Variants in GALNT7 observed in about 807,000 individuals in gnomAD.
GALNT7 encodes N-acetylgalactosaminyltransferase 7.
A neutral mutation model predicts 82.1 loss-of-function variants in GALNT7; 60 were observed. The observed-to-expected ratio is 0.73, with a 90% CI of 0.59 to 0.91. GALNT7 has a LOEUF of 0.91. Among genes scored for constraint, GALNT7 ranks in the 40% least tolerant of loss-of-function variants. The pLI is 0.00. For synonymous variants in GALNT7, 243 were observed against 275.1 expected (o/e 0.88, Z 1.15); for missense variants, 660 against 804.2 (o/e 0.82, Z 2.17).
chr4:173,208,954 CTT>C (rs1209985502), intron 1 of GALNT7, among the ~76,000 whole-genome samples: 6 of 152,058 alleles, frequency 3.9e-5, no homozygotes, highest in Non-Finnish European at 7.4e-5. Flanking sequence ...ACTTTGAAAT[CTT>C]TGTTCATTTC....
intron 9 of GALNT7, chr4:173,316,633 T>C (rs898947380): frequency 2.6e-5 from 4 of 152,218 alleles, no homozygotes; most frequent in African/African-American, 9.7e-5. Context: ...GTACTTAATA[T>C]TTGATGATTG....
chr4:173,182,709 G>A (rs971099875), intron 1 of GALNT7, among the ~76,000 whole-genome samples: 4 of 99,048 alleles, frequency 4.0e-5, no homozygotes, highest in East Asian at 3.1e-4. Context: ...GTGTTGCCCC[G>A]AATGATGAGG....
chr4:173,297,995 A>C (rs763415814), intron 5 of GALNT7, 120 bp from the exon 6 acceptor site: 1 of 1,509,164 alleles, frequency 6.6e-7, no homozygotes, highest in South Asian at 1.3e-5. Flanking sequence ...CTATTACTTT[A>C]TTTTCTTATG....
chr4:173,209,352 T>C (rs11737748), intron 1 of GALNT7, among the ~76,000 whole-genome samples: 37,435 of 152,238 alleles, frequency 0.25, 5,333 homozygotes, highest in Admixed American at 0.34. Flanking sequence ...TCAGTATTTC[T>C]TTCTAGCTAG....
Position 173,302,294 on chromosome 4 carries a change from A to G in GALNT7, c.1266+130A>G. On this transcript the variant is annotated intron_variant, in intron 7 of 11. Transcript: ENST00000265000. The surrounding 1 kb of genome is among the most constrained non-coding windows in gnomAD (Gnocchi z 4.2). ...CATGCATTTCTCCAAATTGTATAGA[A>G]TGATTTAATGAAAATGGATGCCTTT... is the stretch of plus-strand genomic sequence containing the variant. The G allele has an allele frequency of 1.5e-6, 1 of 686,504 alleles. No individual in the cohort carries two copies. The highest frequency in any genetic ancestry group is 2.6e-6 in the Non-Finnish European group (1 of 382,856). 42.5% of individuals were successfully genotyped at this position (686,504 alleles called of 1,614,324 possible). A position where few individuals can be genotyped will look rare whatever the true frequency, so the allele number is the denominator to read the frequency against.
At chr4:173,212,547 A>G (rs1348903935) in intron 1 of GALNT7, among the ~76,000 whole-genome samples, 1 of 151,986 alleles carries the variant, frequency 6.6e-6, no homozygotes, top group African/African-American at 2.4e-5. Context: ...AGATCCAAAG[A>G]GATGAAGGGA....
At chr4:173,201,304 TTAAATTAATTTAATAAA>T (rs1340453408) in intron 1 of GALNT7, among the ~76,000 whole-genome samples, 1 of 152,220 alleles carries the variant, frequency 6.6e-6, no homozygotes, top group African/African-American at 2.4e-5. Flanking sequence ...GTTGTGGTTA[TTAAATTAATTTAATAAA>T]TTAACTAATT....
chr4:173,214,195 T>G (rs554638452), intron 1 of GALNT7, among the ~76,000 whole-genome samples: 13 of 152,260 alleles, frequency 8.5e-5, no homozygotes, highest in African/African-American at 2.9e-4. Flanking sequence ...ATACTGTATA[T>G]TCTTTAATCT....
chr4:173,266,192 G>A (rs1263841701), intron 2 of GALNT7, among the ~76,000 whole-genome samples: 4 of 152,162 alleles, frequency 2.6e-5, no homozygotes, highest in African/African-American at 9.7e-5. Context: ...CCCGAGAGGC[G>A]GACGTTGCAG....
At chr4:173,233,135 C>T (rs1734091761) in intron 1 of GALNT7, among the ~76,000 whole-genome samples, 2 of 152,178 alleles carry the variant, frequency 1.3e-5, no homozygotes, top group African/African-American at 4.8e-5. Context: ...TCCATTCATC[C>T]ACTGATGGAC....
chr4:173,246,256 C>A (rs1209926826), intron 1 of GALNT7, among the ~76,000 whole-genome samples: 4 of 152,146 alleles, frequency 2.6e-5, no homozygotes, highest in Non-Finnish European at 4.4e-5. Context: ...AGATTTGCAT[C>A]TATTTGTAAA....
At chr4:173,169,000 G>A in intron 1 of GALNT7, 39 bp downstream of exon 1, 3 of 1,603,736 alleles carry the variant, frequency 1.9e-6, no homozygotes, top group Non-Finnish European at 2.6e-6. Context: ...GGCAGCGACC[G>A]GCAACTTGTT....
At position 173,259,455 on chromosome 4, in the gene GALNT7, G is replaced by A. The variant is rs535968796; in HGVS notation, c.587+11015G>A. ...TTTTTTTTTTTTAATAACAAATACCGGGAGTGGAGAAAAAAGATCCAATCC... is the reference window on the plus strand; with the variant it reads ...TTTTTTTTTTTTAATAACAAATACCAGGAGTGGAGAAAAAAGATCCAATCC... On this transcript the variant is annotated intron_variant, in intron 2 of 11. Coordinates refer to ENST00000265000, the MANE Select transcript of GALNT7 (RefSeq NM_017423.3). Among the ~76,000 whole-genome samples the A allele has an allele frequency of 1.9e-4, 29 of 150,678 alleles. 1 individual carries two copies. The South Asian group carries it at 4.6e-3, about 24-fold the overall frequency.
intron 1 of GALNT7, among the ~76,000 whole-genome samples, chr4:173,191,540 T>C (rs1732629395): frequency 6.6e-6 from 1 of 152,124 alleles, no homozygotes; most frequent in Non-Finnish European, 1.5e-5. Flanking sequence ...ACTGGCACAG[T>C]AGTGGATATA....
chr4:173,277,355 G>A (rs562363519), intron 2 of GALNT7, among the ~76,000 whole-genome samples: 2 of 152,320 alleles, frequency 1.3e-5, no homozygotes, highest in African/African-American at 2.4e-5. Context: ...GTCTTTCTCA[G>A]AGTTCATGAA....
intron 1 of GALNT7, among the ~76,000 whole-genome samples, chr4:173,198,160 C>T (rs1232365571): frequency 1.3e-5 from 2 of 151,686 alleles, no homozygotes; most frequent in East Asian, 1.9e-4. Context: ...TCCGGGTTCA[C>T]GCCATTCTCC....
chr4:173,309,651 C>T (rs1274823473), intron 8 of GALNT7, among the ~76,000 whole-genome samples: 1 of 152,170 alleles, frequency 6.6e-6, no homozygotes, highest in Non-Finnish European at 1.5e-5. Context: ...GAACGCTTAA[C>T]CAAGTCAAGT....
At chr4:173,199,954 TC>T (rs934840272) in intron 1 of GALNT7, among the ~76,000 whole-genome samples, 6 of 152,168 alleles carry the variant, frequency 3.9e-5, no homozygotes, top group Admixed American at 2.0e-4. Flanking sequence ...GTTAAAGTCT[TC>T]CTGGAATAGT....
chr4:173,172,111 G>C (rs1487956636), intron 1 of GALNT7, among the ~76,000 whole-genome samples: 1 of 152,218 alleles, frequency 6.6e-6, no homozygotes, highest in Non-Finnish European at 1.5e-5. Flanking sequence ...AGGAACGGAA[G>C]GAAGTACACT....
Sources: gnomAD v4.1 joint callset for allele counts (sites outside exome capture counted in the v4.1 genomes callset) on GRCh38, gnomAD v4.1.1 for gene constraint, Gnocchi (gnomAD v3.1) non-coding constraint, MANE v1.5 for transcripts, NCBI Gene and HGNC (gene_info 2026-07-23, HGNC 2026-07-21) for gene names.